Variants in SLC14A2 observed in about 807,000 individuals in gnomAD.
The protein encoded by SLC14A2 is solute carrier family 14 member 2.
Under a neutral mutation model 104.6 loss-of-function variants are expected in SLC14A2, and 91 were observed. The observed-to-expected ratio is 0.87, with a 90% CI of 0.73 to 1.04. The LOEUF is 1.04. Ranked by LOEUF, SLC14A2 falls within the 50% of genes least tolerant of loss-of-function variation. The probability of loss-of-function intolerance (pLI) is 0.00; values close to 1 mark genes in which losing one functional copy is unlikely to be tolerated. For missense variants in SLC14A2, 1,189 were observed against 1,156.0 expected (o/e 1.03, Z -0.41); for synonymous variants, 476 against 466.4 (o/e 1.02, Z -0.27).
chr18:45,199,454 T>C, the SLC14A2 span, among the ~76,000 whole-genome samples: 1 of 152,208 alleles, frequency 6.6e-6, no homozygotes, highest in African/African-American at 2.4e-5. Context: ...CTGGAAAATT[T>C]GTTCAGTTCT....
At chr18:45,302,649 CCAACA>C (rs1337169946) in intron 1 of SLC14A2, among the ~76,000 whole-genome samples, 1 of 152,100 alleles carries the variant, frequency 6.6e-6, no homozygotes, top group Non-Finnish European at 1.5e-5. Flanking sequence ...CTTTCTATAG[CCAACA>C]GACACTCGGG....
intron 4 of SLC14A2, among the ~76,000 whole-genome samples, chr18:45,628,274 T>C (rs1418290740): frequency 1.3e-5 from 2 of 151,960 alleles, no homozygotes; most frequent in East Asian, 3.9e-4. Flanking sequence ...TGAAACCCCA[T>C]CTCTACTAAA....
intron 1 of SLC14A2, among the ~76,000 whole-genome samples, chr18:45,446,999 C>T (rs1290250407): frequency 1.3e-5 from 2 of 152,144 alleles, no homozygotes; most frequent in African/African-American, 2.4e-5. Flanking sequence ...GACTCATTCT[C>T]CTCTGGAAAC....
At chr18:45,602,528 T>TC (rs558334532) in intron 2 of SLC14A2, among the ~76,000 whole-genome samples, 316 of 152,234 alleles carry the variant, frequency 2.1e-3, no homozygotes, top group Non-Finnish European at 3.7e-3. Context: ...AGCATAGGGG[T>TC]CTTTGGTGTG....
At chr18:45,473,940 A>C (rs1487959396) in intron 1 of SLC14A2, among the ~76,000 whole-genome samples, 1 of 152,238 alleles carries the variant, frequency 6.6e-6, no homozygotes, top group Admixed American at 6.5e-5. Flanking sequence ...AAGAGAGGGC[A>C]TACTTGTCTT....
chr18:45,175,815 AGG>A, the SLC14A2 span, among the ~76,000 whole-genome samples: 1 of 152,164 alleles, frequency 6.6e-6, no homozygotes, highest in East Asian at 1.9e-4. Context: ...TTGTTTGTTC[AGG>A]GGAGTAAAAC....
chr18:45,303,317 T>C (rs1380825479), intron 1 of SLC14A2, among the ~76,000 whole-genome samples: 1 of 152,228 alleles, frequency 6.6e-6, no homozygotes, highest in Non-Finnish European at 1.5e-5. Flanking sequence ...GCTGCTGGGA[T>C]TGGCCAAGAC....
chr18:45,539,621 G>C (rs577296671), intron 2 of SLC14A2, among the ~76,000 whole-genome samples: 2 of 152,306 alleles, frequency 1.3e-5, no homozygotes, highest in Admixed American at 1.3e-4. Flanking sequence ...CCATGCAGGA[G>C]AGCCTTTGAA....
intron 1 of SLC14A2, among the ~76,000 whole-genome samples, chr18:45,472,189 C>A (rs2087263195): frequency 6.6e-6 from 1 of 151,104 alleles, no homozygotes; most frequent in South Asian, 2.1e-4. Flanking sequence ...CATCCATGTC[C>A]CCGCAAGGAA....
At chr18:45,354,606 G>A (rs2085534042) in intron 1 of SLC14A2, among the ~76,000 whole-genome samples, 1 of 152,232 alleles carries the variant, frequency 6.6e-6, no homozygotes, top group Non-Finnish European at 1.5e-5. Context: ...AGCTATACCA[G>A]AGCTGGTGAT....
At chr18:45,401,944 A>G (rs182433568) in intron 1 of SLC14A2, among the ~76,000 whole-genome samples, 26 of 152,318 alleles carry the variant, frequency 1.7e-4, no homozygotes, top group Admixed American at 1.7e-3. Context: ...GACCCTGTTA[A>G]GGTAACTGCG....
intron 2 of SLC14A2, among the ~76,000 whole-genome samples, chr18:45,509,399 T>G (rs1408743851): frequency 6.6e-6 from 1 of 152,182 alleles, no homozygotes; most frequent in East Asian, 1.9e-4. Context: ...ACCTCTGTCT[T>G]TCTTTCTCAG....
chr18:45,575,684 T>G (rs1015253268), intron 2 of SLC14A2, among the ~76,000 whole-genome samples: 1 of 152,222 alleles, frequency 6.6e-6, no homozygotes, highest in African/African-American at 2.4e-5. Context: ...TTGAGAGAAC[T>G]GGGCTAATCA....
At chr18:45,620,127 G>T (rs1362452917) in intron 1 of SLC14A2, among the ~76,000 whole-genome samples, 2 of 152,198 alleles carry the variant, frequency 1.3e-5, no homozygotes, top group Non-Finnish European at 2.9e-5. Flanking sequence ...CCGTGGCAAA[G>T]GAACGCTGTA....
intron 1 of SLC14A2, among the ~76,000 whole-genome samples, chr18:45,403,773 T>TGAATGAATGAAG (rs2086122093): frequency 6.6e-6 from 1 of 150,908 alleles, no homozygotes; most frequent in East Asian, 2.0e-4. Context: ...AATGAATGAA[T>TGAATGAATGAAG]GAATGAATGA....
At chr18:45,227,873 G>A (rs1306476755) in intron 1 of SLC14A2, among the ~76,000 whole-genome samples, 2 of 151,524 alleles carry the variant, frequency 1.3e-5, no homozygotes, top group African/African-American at 2.4e-5. Flanking sequence ...CAAGATACAT[G>A]TGTTAGTTTC....
chr18:45,654,736 T>G (rs947278180), intron 10 of SLC14A2, among the ~76,000 whole-genome samples: 4 of 152,082 alleles, frequency 2.6e-5, no homozygotes, highest in African/African-American at 9.7e-5. Context: ...AGTCCAAGTG[T>G]CCTAACTCAT....
At chr18:45,204,246 A>G in the SLC14A2 span, among the ~76,000 whole-genome samples, 1 of 152,234 alleles carries the variant, frequency 6.6e-6, no homozygotes, top group Admixed American at 6.5e-5. Flanking sequence ...TCCCGTCAGG[A>G]GAACAAGAGG....
chr18:45,668,520 A>G, intron 15 of SLC14A2, 43 bp downstream of exon 15: 1 of 1,609,404 alleles, frequency 6.2e-7, no homozygotes, highest in South Asian at 1.1e-5. Context: ...ATCAATGGCC[A>G]CCAACCTTTT....
Sources: gnomAD v4.1 joint callset for allele counts (sites outside exome capture counted in the v4.1 genomes callset) on GRCh38, gnomAD v4.1.1 for gene constraint, MANE v1.5 for transcripts, NCBI Gene and HGNC (gene_info 2026-07-23, HGNC 2026-07-21) for gene names.